The following PM20D2 variants were observed in gnomAD, a reference collection of about 807,000 sequenced individuals.
PM20D2 encodes the protein peptidase M20 domain containing 2, also known as xaa-Arg dipeptidase.
A neutral mutation model predicts 42.9 loss-of-function variants in PM20D2; 33 were observed. The ratio of observed to expected loss-of-function variants is 0.77; its 90% CI spans 0.58 to 1.03. PM20D2 has a LOEUF of 1.03. Among genes scored for constraint, PM20D2 ranks in the 50% least tolerant of loss-of-function variants. The pLI is 0.00. For missense variants in PM20D2, 548 were observed against 557.0 expected (o/e 0.98, Z 0.16); for synonymous variants, 250 against 228.2 (o/e 1.10, Z -0.86).
At chr6:89,107,106 G>A in the PM20D2 span, 1 of 1,453,858 alleles carries the variant, frequency 6.9e-7, no homozygotes, top group Non-Finnish European at 9.7e-7. Flanking sequence ...ATATGTATAA[G>A]CACGCATATA....
At position 89,146,212 on chromosome 6, in the gene PM20D2, T is replaced by C. The variant is rs1158337476; in HGVS notation, c.68T>C (p.Leu23Pro). Residue 23 changes from leucine (L) to proline (P), a missense_variant, in exon 1 of 7, where the codon CTG becomes CCG. Around this residue, in one of 3 missense-constraint regions of PM20D2, gnomAD observed 470 missense variants for 464.4 expected, o/e 1.01. Transcript: ENST00000275072. ...ACNGRSELEL[L>P]KLRSAECIDE... Reference sequence around the variant, plus strand: ...AATGGCCGCTCCGAGCTGGAGCTACTGAAGCTGCGCTCGGCGGAGTGCATC... The same window carrying C: ...AATGGCCGCTCCGAGCTGGAGCTACCGAAGCTGCGCTCGGCGGAGTGCATC... 4 of 1,568,600 alleles carry C rather than the reference T, an allele frequency of 2.6e-6. No homozygotes were observed. The highest frequency in any genetic ancestry group is 8.6e-7 in the Non-Finnish European group (1 of 1,165,754).
Position 89,154,731 on chromosome 6 carries a change from T to G in PM20D2, c.758-17T>G. The stretch of plus-strand genomic sequence containing the variant: ...TGGTCACCAAGCTTAATTCTAGTAA[T>G]TTGGTTCTTTTTATAGGTATAATAA... On this transcript the variant is annotated splice_polypyrimidine_tract_variant and intron_variant, in intron 3 of 6. Transcript: ENST00000275072. 1.4e-6 allele frequency: 2 copies of G among 1,473,110 alleles called. No homozygotes were observed. Among genetic ancestry groups the G allele is most frequent in the South Asian group, 1.4e-5 (1 of 71,952 alleles). 91.3% of individuals were successfully genotyped at this position (1,473,110 alleles called of 1,614,324 possible).
chr6:89,134,522 T>C, the PM20D2 span, among the ~76,000 whole-genome samples: 9 of 151,164 alleles, frequency 6.0e-5, 1 homozygote, highest in African/African-American at 2.2e-4. Flanking sequence ...TCATAGTAGT[T>C]ACTAAAATAG....
chr6:89,115,254 T>C, the PM20D2 span, among the ~76,000 whole-genome samples: 1 of 151,868 alleles, frequency 6.6e-6, no homozygotes, highest in African/African-American at 2.4e-5. Context: ...ACAGGTGTCA[T>C]ACACCAGGCT....
chr6:89,148,193 G>T (rs1326662904), intron 1 of PM20D2, among the ~76,000 whole-genome samples: 3 of 151,796 alleles, frequency 2.0e-5, no homozygotes, highest in Non-Finnish European at 4.4e-5. Flanking sequence ...TGGCCTGGCT[G>T]GTATCGAACT....
At chr6:89,151,338 T>C (rs1770833028) in intron 2 of PM20D2, among the ~76,000 whole-genome samples, 1 of 151,528 alleles carries the variant, frequency 6.6e-6, no homozygotes, top group South Asian at 2.1e-4. Flanking sequence ...CAAGGGATTC[T>C]CCTGCCTCAG....
At chr6:89,159,187 G>A (rs923606162) in intron 5 of PM20D2, among the ~76,000 whole-genome samples, 3 of 152,152 alleles carry the variant, frequency 2.0e-5, no homozygotes, top group African/African-American at 7.2e-5. Flanking sequence ...AGATTTAGGA[G>A]TTGTCCATAT....
the PM20D2 span, among the ~76,000 whole-genome samples, chr6:89,128,928 G>A: frequency 1.6e-3 from 238 of 152,182 alleles, 4 homozygotes; most frequent in Admixed American, 0.014. Context: ...CAGTTTTCAG[G>A]AAATACAGGG....
the PM20D2 span, chr6:89,105,855 T>A: frequency 1.9e-5 from 3 of 159,266 alleles, no homozygotes; most frequent in African/African-American, 7.2e-5. Context: ...CAAATTTGGC[T>A]AGCATTATAA....
chr6:89,095,971 G>A, the PM20D2 span: 1 of 152,074 alleles, frequency 6.6e-6, no homozygotes, highest in Non-Finnish European at 1.5e-5. Context: ...AAATTAAAAC[G>A]TTTGATTTAT....
the PM20D2 span, among the ~76,000 whole-genome samples, chr6:89,126,059 C>T: frequency 7.3e-5 from 11 of 151,158 alleles, no homozygotes; most frequent in South Asian, 2.1e-4. Flanking sequence ...ACAATGCAGC[C>T]GGGGCGACAG....
the PM20D2 span, among the ~76,000 whole-genome samples, chr6:89,124,755 A>G: frequency 5.4e-5 from 1 of 18,372 alleles, no homozygotes; most frequent in East Asian, 2.5e-3. Flanking sequence ...TTTTTTTTCA[A>G]TTCGGGGTCT....
Position 89,152,940 on chromosome 6 carries a change from T to C in PM20D2, c.615-103T>C. 9.2e-6 allele frequency: 8 copies of C among 865,656 alleles called. No individual in the cohort carries two copies. The South Asian group carries it at 1.5e-4, about 17-fold the overall frequency. The allele number at this position is 865,656 out of a possible 1,614,324, so 53.6% of individuals were successfully genotyped here. On this transcript the variant is annotated intron_variant, in intron 2 of 6. Transcript: ENST00000275072. ...AATTTGCAAATCAAAAGTCCAGCAA[T>C]GTGAATTAATTTTGAATAGTAGTTG...
intron 1 of PM20D2, among the ~76,000 whole-genome samples, chr6:89,147,205 G>A (rs1770614918): frequency 6.6e-6 from 1 of 152,012 alleles, no homozygotes; most frequent in South Asian, 2.1e-4. Flanking sequence ...TAATTTTTTT[G>A]TTTTATGATT....
rs1045985 is a variant in PM20D2 at position 89,164,538 on chromosome 6, G to A, written c.*2275G>A. On this transcript the variant is annotated 3_prime_UTR_variant, in exon 7 of 7. Coordinates refer to ENST00000275072, the MANE Select transcript of PM20D2 (RefSeq NM_001010853.3). ...AAATTTTGTAAACAGTGGCAGGAGC[G>A]TGGACTTAAAACAAGGCTTGCTTAT... is the stretch of plus-strand genomic sequence containing the variant. 6.6e-6 allele frequency: 1 copy of A among 152,486 alleles called. No homozygotes were observed. Among genetic ancestry groups the A allele is most frequent in the Non-Finnish European group, 1.5e-5 (1 of 68,012 alleles). 9.4% of individuals were successfully genotyped at this position (152,486 alleles called of 1,614,324 possible). A position where few individuals can be genotyped will look rare whatever the true frequency, so the allele number is the denominator to read the frequency against.
rs1771339002 is a variant in PM20D2, at chr6:89,164,361, G to C, written c.*2098G>C. 6.6e-6 allele frequency: 1 copy of C among 152,592 alleles called. No individual in the cohort carries two copies. The highest frequency in any genetic ancestry group is 6.5e-5 in the Admixed American group (1 of 15,284). 9.5% of individuals were successfully genotyped at this position (152,592 alleles called of 1,614,324 possible). On this transcript the variant is annotated 3_prime_UTR_variant, in exon 7 of 7. Coordinates refer to ENST00000275072, the MANE Select transcript of PM20D2 (RefSeq NM_001010853.3). The stretch of plus-strand genomic sequence containing the variant: ...TATTTCTAAGCACTGGGTGTAAGAA[G>C]AAAAGACACTTGCAAAGGAAGAGCT...
chr6:89,118,179 G>C, the PM20D2 span: 72 of 152,444 alleles, frequency 4.7e-4, no homozygotes, highest in African/African-American at 1.7e-3. Context: ...CCGGGTATGG[G>C]GGGTCCTGGA....
the PM20D2 span, among the ~76,000 whole-genome samples, chr6:89,112,555 G>C: frequency 6.7e-6 from 1 of 149,940 alleles, no homozygotes; most frequent in African/African-American, 2.5e-5. Flanking sequence ...TAGGACTACA[G>C]GCACGCATCA....
At chr6:89,103,359 C>G in the PM20D2 span, among the ~76,000 whole-genome samples, 1 of 149,878 alleles carries the variant, frequency 6.7e-6, no homozygotes, top group Non-Finnish European at 1.5e-5. Flanking sequence ...GACAGAGTCT[C>G]GCTTTGTCAC....
Sources: gnomAD v4.1 joint callset for allele counts (sites outside exome capture counted in the v4.1 genomes callset) on GRCh38, gnomAD v4.1.1 for gene constraint, gnomAD v4.1.1 regional missense constraint, MANE v1.5 for transcripts, NCBI Gene and HGNC (gene_info 2026-07-23, HGNC 2026-07-21) for gene names.